TMBIM4: variants seen among roughly 807,000 people sequenced by gnomAD.
TMBIM4 encodes the protein transmembrane BAX inhibitor motif containing 4, also known as protein lifeguard 4.
In TMBIM4, 28 loss-of-function variants were observed where a neutral mutation model predicts 27.7. That is an observed-to-expected ratio of 1.01 (90% CI 0.75 to 1.38). TMBIM4 has a LOEUF of 1.38. Among genes scored for constraint, TMBIM4 ranks in the 40% most tolerant of loss-of-function variants. TMBIM4 has a pLI of 0.00. For missense variants in TMBIM4, 265 were observed against 277.5 expected, an observed-to-expected ratio of 0.95 and a Z score of 0.32; for synonymous variants, 115 against 113.1, an observed-to-expected ratio of 1.02 and a Z score of -0.11.
intron 5 of TMBIM4, among the ~76,000 whole-genome samples, chr12:66,144,970 T>C (rs779372124): frequency 2.6e-5 from 4 of 152,102 alleles, no homozygotes; most frequent in Non-Finnish European, 5.9e-5. Context: ...CAGTTGGAGA[T>C]TGGGTTGAGA....
At chr12:66,159,979 C>T (rs182534432) in intron 1 of TMBIM4, among the ~76,000 whole-genome samples, 1 of 152,378 alleles carries the variant, frequency 6.6e-6, no homozygotes, top group Non-Finnish European at 1.5e-5. Context: ...TTTTTACCAA[C>T]CACAAGAGTC....
chr12:66,153,655 A>G (rs536807955), intron 1 of TMBIM4, among the ~76,000 whole-genome samples: 30 of 152,246 alleles, frequency 2.0e-4, no homozygotes, highest in African/African-American at 7.0e-4. Flanking sequence ...ACCTCTCTCC[A>G]AAAAGCATGA....
intron 3 of TMBIM4, among the ~76,000 whole-genome samples, chr12:66,149,655 T>A (rs921731971): frequency 2.6e-5 from 4 of 151,986 alleles, no homozygotes; most frequent in African/African-American, 9.7e-5. Flanking sequence ...ACACACATGC[T>A]CCTCGAGTTA....
chr12:66,147,553 C>T (rs947105577), intron 4 of TMBIM4, among the ~76,000 whole-genome samples: 3 of 152,188 alleles, frequency 2.0e-5, no homozygotes, highest in Non-Finnish European at 4.4e-5. Context: ...AGGAGTTAAG[C>T]TCATACATAT....
intron 3 of TMBIM4, among the ~76,000 whole-genome samples, chr12:66,151,118 CAA>C (rs954146712): frequency 1.9e-4 from 29 of 152,342 alleles, no homozygotes; most frequent in African/African-American, 6.7e-4. Context: ...CTGAAACTTT[CAA>C]AGTCATCAGC....
intron 1 of TMBIM4, among the ~76,000 whole-genome samples, chr12:66,155,562 GC>G: frequency 6.6e-6 from 1 of 151,946 alleles, no homozygotes; most frequent in Non-Finnish European, 1.5e-5. Context: ...GAACCCCTGG[GC>G]TCAAGTGATC....
intron 1 of TMBIM4, among the ~76,000 whole-genome samples, chr12:66,163,068 T>C (rs1350372932): frequency 6.6e-6 from 1 of 152,362 alleles, no homozygotes; most frequent in African/African-American, 2.4e-5. Context: ...TGGTGGTACC[T>C]TGAGTCACCA....
In TMBIM4 at chr12:66,148,114, T is replaced by C. The variant is rs376406411; in HGVS notation, c.313-173A>G. Among the ~76,000 whole-genome samples the C allele has an allele frequency of 3.9e-5, 6 of 152,194 alleles. No individual in the cohort carries two copies. In the East Asian group the frequency reaches 9.6e-4, roughly 24 times the overall value. ...AACCCACCATAATGAAAATGAGACCTCAGTATATTGAGTGGGAATATTAAC... is the reference window on the plus strand; with the variant it reads ...AACCCACCATAATGAAAATGAGACCCCAGTATATTGAGTGGGAATATTAAC... On this transcript the variant is annotated intron_variant, in intron 3 of 6. Transcript: ENST00000358230.
Position 66,153,578 on chromosome 12 carries a change from G to A in TMBIM4, c.98-130C>T, listed in dbSNP as rs2051887330. 7 of 473,014 alleles carry A rather than the reference G, an allele frequency of 1.5e-5. No homozygotes were observed. In the South Asian group the frequency reaches 2.3e-4, roughly 16 times the overall value. 29.3% of individuals were successfully genotyped at this position (473,014 alleles called of 1,614,324 possible). On this transcript the variant is annotated intron_variant, in intron 1 of 6. Transcript: ENST00000358230. ...CTAATTTTCCTCCTAATAATGTAAT[G>A]TATAACTAAAACTAGACAAGAATAC...
At chr12:66,156,556 CCA>C (rs1476132258) in intron 1 of TMBIM4, among the ~76,000 whole-genome samples, 1 of 152,182 alleles carries the variant, frequency 6.6e-6, no homozygotes, top group Non-Finnish European at 1.5e-5. Context: ...ACCTATTTCT[CCA>C]CACACTCTGT....
intron 5 of TMBIM4, among the ~76,000 whole-genome samples, chr12:66,141,235 T>C (rs2051663206): frequency 6.6e-6 from 1 of 152,060 alleles, no homozygotes; most frequent in African/African-American, 2.4e-5. Context: ...AAAATCCCTT[T>C]AAAAGATAAT....
chr12:66,162,551 G>A (rs2052060230), intron 1 of TMBIM4, among the ~76,000 whole-genome samples: 1 of 152,178 alleles, frequency 6.6e-6, no homozygotes, highest in Non-Finnish European at 1.5e-5. Flanking sequence ...CTCATTTGGG[G>A]TGAATAGCCT....
intron 1 of TMBIM4, chr12:66,168,632 C>T (rs2052176218): frequency 6.6e-6 from 1 of 152,214 alleles, no homozygotes; most frequent in South Asian, 2.1e-4. Context: ...CGGGCAAAAA[C>T]CAAGCTGTAA....
rs1255900581 is a variant in TMBIM4, at chr12:66,136,249, T to A, written c.*1711A>T. 1 of 152,218 alleles carries A rather than the reference T, an allele frequency of 6.6e-6. No individual in the cohort carries two copies. The highest frequency in any genetic ancestry group is 1.5e-5 in the Non-Finnish European group (1 of 68,050). The allele number at this position is 152,218 out of a possible 1,614,324, so 9.4% of individuals were successfully genotyped here. On this transcript the variant is annotated 3_prime_UTR_variant, in exon 7 of 7. Coordinates refer to ENST00000358230, the MANE Select transcript of TMBIM4 (RefSeq NM_016056.4). ...AGAAGACCTAAGGAAGGATAAATAATTCGCCAAATGTCACTTAAGCACCTG... is the reference window on the plus strand; with the variant it reads ...AGAAGACCTAAGGAAGGATAAATAAATCGCCAAATGTCACTTAAGCACCTG...
intron 1 of TMBIM4, among the ~76,000 whole-genome samples, chr12:66,159,019 G>A (rs959146594): frequency 2.0e-5 from 3 of 152,126 alleles, no homozygotes; most frequent in African/African-American, 7.2e-5. Flanking sequence ...GCTATACTAG[G>A]GTATTTTGGA....
rs547440589 is a variant in TMBIM4, at chr12:66,167,333, T to C, written c.97+2522A>G. On this transcript the variant is annotated intron_variant, in intron 1 of 6. Coordinates refer to ENST00000358230, the MANE Select transcript of TMBIM4 (RefSeq NM_016056.4). Reference sequence around the variant, plus strand: ...CCACTCTGGTACAGAACGTTATTAGTGCAAGAGGCTTGGGGAAAAGCAGAA... The same window carrying C: ...CCACTCTGGTACAGAACGTTATTAGCGCAAGAGGCTTGGGGAAAAGCAGAA... Among the ~76,000 whole-genome samples the C allele has an allele frequency of 1.4e-4, 22 of 152,348 alleles. No homozygotes were observed. In the South Asian group the frequency reaches 4.6e-3, roughly 32 times the overall value.
intron 1 of TMBIM4, among the ~76,000 whole-genome samples, chr12:66,154,239 C>T (rs1366243621): frequency 1.3e-5 from 2 of 152,122 alleles, no homozygotes; most frequent in Non-Finnish European, 2.9e-5. Flanking sequence ...TTCTCAGTTC[C>T]GCATTCTGAA....
chr12:66,138,128 G>A lies in TMBIM4; in HGVS notation c.549C>T (p.Ala183=), dbSNP rs574529759. ...FYSEIMELVL[A]AAGALLFCGF... is the part of the protein sequence containing the mutation. ...CACAGAAAAGAAGGGCTCCTGCAGC[G>A]GCTAAGACCAACTCCATTATCTCAC... The change falls in exon 7 of 7, where the codon GCC becomes GCT. Residue 183 remains alanine (A), a synonymous_variant. Transcript: ENST00000358230. The A allele has an allele frequency of 2.8e-5, 45 of 1,613,848 alleles. No homozygotes were observed. Among genetic ancestry groups the A allele is most frequent in the East Asian group, 2.7e-4 (12 of 44,854 alleles).
At chr12:66,166,712 A>G (rs2052136891) in intron 1 of TMBIM4, among the ~76,000 whole-genome samples, 1 of 152,216 alleles carries the variant, frequency 6.6e-6, no homozygotes, top group East Asian at 1.9e-4. Flanking sequence ...AAAATAGTAC[A>G]GCCACTTTGT....
Sources: allele counts gnomAD v4.1 joint callset (sites outside exome capture counted in the v4.1 genomes callset), GRCh38; gene constraint gnomAD v4.1.1; transcripts MANE v1.5; gene names NCBI Gene and HGNC (gene_info 2026-07-23, HGNC 2026-07-21).